ASNS: variants seen among roughly 807,000 people sequenced by gnomAD.
ASNS encodes the protein asparagine synthetase [glutamine-hydrolyzing].
Under a neutral mutation model 62.6 loss-of-function variants are expected in ASNS, and 37 were observed. The observed-to-expected ratio is 0.59, with a 90% CI of 0.45 to 0.78. The LOEUF (loss-of-function observed/expected upper bound fraction) is 0.78. Ranked by LOEUF, ASNS falls within the 30% of genes least tolerant of loss-of-function variation. The pLI is 0.00. For synonymous variants in ASNS, 207 were observed against 237.9 expected, an observed-to-expected ratio of 0.87 and a Z score of 1.19; for missense variants, 520 against 682.4, an observed-to-expected ratio of 0.76 and a Z score of 2.65.
chr7:97,914,981 A>G, the ASNS span, among the ~76,000 whole-genome samples: 9 of 152,334 alleles, frequency 5.9e-5, no homozygotes, highest in South Asian at 1.9e-3. Context: ...ATTTTGCATA[A>G]CTGAAGCTGA....
the ASNS span, among the ~76,000 whole-genome samples, chr7:97,927,419 G>A: frequency 6.6e-6 from 1 of 152,232 alleles, no homozygotes; most frequent in Non-Finnish European, 1.5e-5. Flanking sequence ...AGATCCATTT[G>A]CCACTGAAGA....
At chr7:97,917,991 C>T in the ASNS span, among the ~76,000 whole-genome samples, 2 of 152,200 alleles carry the variant, frequency 1.3e-5, no homozygotes, top group African/African-American at 4.8e-5. Context: ...ATGCAGGCCT[C>T]GAGATTTGCA....
At chr7:97,881,044 C>T in the ASNS span, among the ~76,000 whole-genome samples, 5 of 152,262 alleles carry the variant, frequency 3.3e-5, no homozygotes, top group East Asian at 5.8e-4. Flanking sequence ...GGGTTCAACC[C>T]ATTTTCCTAC....
chr7:97,922,921 A>G, the ASNS span, among the ~76,000 whole-genome samples: 31 of 152,172 alleles, frequency 2.0e-4, no homozygotes, highest in Middle Eastern at 6.8e-3. Flanking sequence ...CCTCCCAAGC[A>G]GCTGGGATTA....
the ASNS span, among the ~76,000 whole-genome samples, chr7:97,902,277 G>A: frequency 6.6e-6 from 1 of 152,200 alleles, no homozygotes; most frequent in African/African-American, 2.4e-5. Flanking sequence ...TTTCAGAGTA[G>A]TTCAAATTAA....
chr7:97,918,098 G>A, the ASNS span, among the ~76,000 whole-genome samples: 8 of 152,312 alleles, frequency 5.3e-5, no homozygotes, highest in Admixed American at 2.0e-4. Context: ...AGGGGCTGGG[G>A]GGACTGTGGG....
At chr7:97,867,500 T>C (rs1792035531) in intron 3 of ASNS, among the ~76,000 whole-genome samples, 1 of 152,230 alleles carries the variant, frequency 6.6e-6, no homozygotes, top group African/African-American at 2.4e-5. Flanking sequence ...ATTTAACTTC[T>C]TGTAACTTTT....
rs763708310 is a variant in ASNS at position 97,864,383 on chromosome 7, A to T, written c.363T>A (p.Phe121Leu). The T allele has an allele frequency of 6.2e-7, 1 of 1,613,994 alleles. No homozygotes were observed. The highest frequency in any genetic ancestry group is 2.2e-5 in the East Asian group (1 of 44,818). The part of the protein sequence containing the change: ...EQTICMLDGV[F>L]AFVLLDTANK... Reference sequence around the variant, plus strand: ...TGGCAGTATCCAGTAAAACAAATGCAAACACACCATCCAACATACAAATTG... The same window carrying T: ...TGGCAGTATCCAGTAAAACAAATGCTAACACACCATCCAACATACAAATTG... Residue 121 changes from phenylalanine (F) to leucine (L), a missense_variant, in exon 4 of 13, where the codon TTT becomes TTA. Phe to Leu is a conservative substitution (Grantham distance 22). Transcript: ENST00000394308.
the ASNS span, among the ~76,000 whole-genome samples, chr7:97,890,602 C>T: frequency 3.9e-5 from 6 of 152,206 alleles, no homozygotes; most frequent in Admixed American, 3.3e-4. Context: ...AATGAAGAAG[C>T]CTGGCACAGT....
the ASNS span, among the ~76,000 whole-genome samples, chr7:97,914,136 GTGGATGGATGGATGCATGGA>G: frequency 3.0e-5 from 4 of 131,496 alleles, no homozygotes; most frequent in South Asian, 7.7e-4. Flanking sequence ...GGGTAGGTGG[GTGGATGGATGGATGCATGGA>G]TGGATGGATG....
the ASNS span, among the ~76,000 whole-genome samples, chr7:97,903,277 T>C: frequency 1.1e-3 from 168 of 151,186 alleles, no homozygotes; most frequent in Non-Finnish European, 1.9e-3. Flanking sequence ...CTGGTGCCTT[T>C]AGAGCTAGGA....
At chr7:97,914,151 C>CATGGATGG in the ASNS span, among the ~76,000 whole-genome samples, 233 of 125,164 alleles carry the variant, frequency 1.9e-3, no homozygotes, top group African/African-American at 4.9e-3. Context: ...TGGATGGATG[C>CATGGATGG]ATGGATGGAT....
chr7:97,914,580 C>G, the ASNS span, among the ~76,000 whole-genome samples: 7 of 152,194 alleles, frequency 4.6e-5, no homozygotes, highest in African/African-American at 1.7e-4. Flanking sequence ...GGATGCTTAT[C>G]AAGACTTCCC....
chr7:97,888,548 C>G, the ASNS span, among the ~76,000 whole-genome samples: 1 of 152,178 alleles, frequency 6.6e-6, no homozygotes, highest in South Asian at 2.1e-4. Flanking sequence ...CAGAGGTTAT[C>G]TAGACCAAAA....
the ASNS span, among the ~76,000 whole-genome samples, chr7:97,899,532 C>T: frequency 6.6e-6 from 1 of 152,200 alleles, no homozygotes; most frequent in Non-Finnish European, 1.5e-5. Flanking sequence ...GAGATGTACA[C>T]AAACATTACC....
chr7:97,886,491 GC>G, the ASNS span, among the ~76,000 whole-genome samples: 1 of 152,066 alleles, frequency 6.6e-6, no homozygotes, highest in African/African-American at 2.4e-5. Flanking sequence ...AGGAGATCAT[GC>G]TGCTGTGATA....
the ASNS span, among the ~76,000 whole-genome samples, chr7:97,887,507 GC>G: frequency 0.12 from 17,728 of 152,182 alleles, 1,107 homozygotes; most frequent in African/African-American, 0.14. Context: ...ATTGTGTCTA[GC>G]TTTGGCCACT....
At chr7:97,910,490 A>C in the ASNS span, among the ~76,000 whole-genome samples, 2 of 151,992 alleles carry the variant, frequency 1.3e-5, no homozygotes, top group Non-Finnish European at 2.9e-5. Flanking sequence ...CAGCCCTGGG[A>C]ATGTTTGAAC....
the ASNS span, among the ~76,000 whole-genome samples, chr7:97,896,572 C>T: frequency 9.3e-5 from 12 of 129,554 alleles, no homozygotes; most frequent in African/African-American, 2.3e-4. Context: ...ACTCCAGCCT[C>T]GGCGACAGAG....
Sources: gnomAD v4.1 joint callset for allele counts (sites outside exome capture counted in the v4.1 genomes callset) on GRCh38, gnomAD v4.1.1 for gene constraint, MANE v1.5 for transcripts, NCBI Gene and HGNC (gene_info 2026-07-23, HGNC 2026-07-21) for gene names.